The following KIAA1549 variants were observed in gnomAD, a reference collection of about 807,000 sequenced individuals.
The protein encoded by KIAA1549 is UPF0606 protein KIAA1549.
A neutral mutation model predicts 156.4 loss-of-function variants in KIAA1549; 70 were observed. That is an observed-to-expected ratio of 0.45 (90% CI 0.37 to 0.55). KIAA1549 has a LOEUF of 0.55. KIAA1549 is among the 20% of genes least tolerant of loss of function. KIAA1549 has a pLI of 0.00. For missense variants in KIAA1549, 2,428 were observed against 2,540.9 expected, an observed-to-expected ratio of 0.96 and a Z score of 0.96; for synonymous variants, 1,103 against 1,066.4, an observed-to-expected ratio of 1.03 and a Z score of -0.67.
At chr7:138,940,674 CTGT>C (rs1813157850) in intron 1 of KIAA1549, among the ~76,000 whole-genome samples, 2 of 152,134 alleles carry the variant, frequency 1.3e-5, no homozygotes, top group Admixed American at 1.3e-4. Context: ...TCTCCAGCAC[CTGT>C]TGTGTCCTGA....
At chr7:138,950,268 A>G (rs1260504188) in intron 1 of KIAA1549, among the ~76,000 whole-genome samples, 1 of 152,222 alleles carries the variant, frequency 6.6e-6, no homozygotes, top group Non-Finnish European at 1.5e-5. Context: ...AAAAAATTTC[A>G]GAATATATAT....
rs1001323694 is a variant in KIAA1549, at chr7:138,917,495, G to T, written c.2131C>A (p.Pro711Thr). ...CATGGTGACACCTCAGAACGGCTAG[G>T]TAGCAACATGATGGTGTTTAAAGGC... is the stretch of plus-strand genomic sequence containing the variant. ...ELPLNTIMLLPSRSEVSPWSS... is the reference protein window; with the variant it reads ...ELPLNTIMLLTSRSEVSPWSS... The change falls in exon 2 of 20, where the codon CCT (proline) becomes ACT (threonine). Residue 711 changes from proline (P) to threonine (T), a missense_variant. By Grantham distance (38) the Pro-to-Thr change is conservative (BLOSUM62 -1). Coordinates refer to ENST00000422774, the MANE Select transcript of KIAA1549 (RefSeq NM_001164665.2). The T allele has an allele frequency of 5.0e-6, 8 of 1,613,744 alleles. No individual in the cohort carries two copies. The highest frequency in any genetic ancestry group is 6.8e-6 in the Non-Finnish European group (8 of 1,179,870).
In KIAA1549 at chr7:138,871,219, G is replaced by C. The variant is rs758786076; in HGVS notation, c.4489C>G (p.Pro1497Ala). 1 of 1,613,194 alleles carries C rather than the reference G, an allele frequency of 6.2e-7. No individual in the cohort carries two copies. The highest frequency in any genetic ancestry group is 8.5e-7 in the Non-Finnish European group (1 of 1,179,846). ...QLIAMQPIPA[P>A]PVQRPSPADR... ...GCTGGGGAGGGGCGCTGGACGGGAG[G>C]TGCCGGGATCGGCTGCATGGCGATA... Residue 1497 changes from proline (P) to alanine (A), a missense_variant, in exon 13 of 20, where the codon CCT becomes GCT. Physicochemically the swap from Pro to Ala is conservative, Grantham distance 27. Around this residue, in one of 5 missense-constraint regions of KIAA1549, gnomAD observed 404 missense variants for 417.0 expected, o/e 0.97. Coordinates refer to ENST00000422774, the MANE Select transcript of KIAA1549 (RefSeq NM_001164665.2).
chr7:138,958,654 T>C (rs1813743549), intron 1 of KIAA1549, among the ~76,000 whole-genome samples: 1 of 152,130 alleles, frequency 6.6e-6, no homozygotes, highest in Admixed American at 6.5e-5. Flanking sequence ...GTTTAGCTTA[T>C]TACTATCCCA....
At chr7:138,848,335 T>C (rs576795076) in intron 17 of KIAA1549, among the ~76,000 whole-genome samples, 1 of 152,246 alleles carries the variant, frequency 6.6e-6, no homozygotes, top group Non-Finnish European at 1.5e-5. Context: ...TTTATCAGAA[T>C]TGAGAAGTTC....
intron 17 of KIAA1549, among the ~76,000 whole-genome samples, chr7:138,850,301 C>G (rs941313775): frequency 5.0e-4 from 76 of 152,256 alleles, no homozygotes; most frequent in African/African-American, 1.8e-3. Flanking sequence ...AACAGTTGAA[C>G]TAATTGACAC....
rs116474162 is a variant in KIAA1549, at chr7:138,864,084, G to A, written c.4930-2628C>T. Among the ~76,000 whole-genome samples, 895 of 152,312 alleles carry A rather than the reference G, an allele frequency of 5.9e-3. 8 individuals are homozygous for A. The highest frequency in any genetic ancestry group is 0.02 in the African/African-American group (844 of 41,556). The stretch of plus-strand genomic sequence containing the variant: ...AAGGGAGGGTGTGTCTGGAAGAACA[G>A]CCCACTGGTAAAAGGGTTTCTCCAG... On this transcript the variant is annotated intron_variant, in intron 15 of 19. Coordinates refer to ENST00000422774, the MANE Select transcript of KIAA1549 (RefSeq NM_001164665.2).
intron 1 of KIAA1549, among the ~76,000 whole-genome samples, chr7:138,937,280 T>A (rs1437688533): frequency 3.9e-5 from 6 of 152,160 alleles, no homozygotes; most frequent in Non-Finnish European, 7.3e-5. Flanking sequence ...TAGGTTGCAT[T>A]CTTGATTTAC....
At chr7:138,923,280 C>G (rs1584759694) in intron 1 of KIAA1549, among the ~76,000 whole-genome samples, 1 of 152,310 alleles carries the variant, frequency 6.6e-6, no homozygotes, top group South Asian at 2.1e-4. Flanking sequence ...ATTGCCTCAG[C>G]AGGAAGATCT....
rs765065343 is a variant in KIAA1549, at chr7:138,918,959, C to T, written c.667G>A (p.Ala223Thr). 1.2e-6 allele frequency: 2 copies of T among 1,613,916 alleles called. No individual in the cohort carries two copies. The highest frequency in any genetic ancestry group is 1.3e-5 in the African/African-American group (1 of 74,940). The change falls in exon 2 of 20, where the codon GCT becomes ACT. Residue 223 changes from alanine (A) to threonine (T), a missense_variant. Coordinates refer to ENST00000422774, the MANE Select transcript of KIAA1549 (RefSeq NM_001164665.2). The surrounding 1 kb of genome is among the most constrained non-coding windows in gnomAD (Gnocchi z 4.2). The stretch of plus-strand genomic sequence containing the variant: ...GTGTGGAAATGACTGGCGGACTCAG[C>T]ATATGCCGCTGGTTGTCGCGTTGTG... ...QNTTRQPAAYAESASHFHTFR... is the reference protein window; with the variant it reads ...QNTTRQPAAYTESASHFHTFR...
chr7:138,911,168 C>T lies in KIAA1549; in HGVS notation c.3123G>A (p.Glu1041=). Residue 1041 remains glutamate (E), a synonymous_variant, in exon 4 of 20, where the codon GAG becomes GAA. Coordinates refer to ENST00000422774, the MANE Select transcript of KIAA1549 (RefSeq NM_001164665.2). The part of the protein sequence containing the change: ...LSVKPSFLVP[E]SRFQVQTVLQ... ...CACCTGTTTGAACTTGGAACCTGGA[C>T]TCTGGCACAAGGAAAGAAGGTTTCA... The T allele has an allele frequency of 5.6e-6, 9 of 1,596,932 alleles. No individual in the cohort carries two copies. Among genetic ancestry groups the T allele is most frequent in the Non-Finnish European group, 7.7e-6 (9 of 1,171,890 alleles).
intron 10 of KIAA1549, among the ~76,000 whole-genome samples, chr7:138,884,678 C>T (rs1476119437): frequency 6.6e-6 from 1 of 152,204 alleles, no homozygotes; most frequent in Non-Finnish European, 1.5e-5. Flanking sequence ...TCTGGTATAG[C>T]ATCACATGGC....
rs917495314 is a variant in KIAA1549, at chr7:138,834,698, C to G, written c.*3208G>C. ...AGGAAACTGAGTCACACCGAGCTTT[C>G]GGTTTTGCTCATTACCCATGTGTGA... On this transcript the variant is annotated 3_prime_UTR_variant, in exon 20 of 20. Coordinates refer to ENST00000422774, the MANE Select transcript of KIAA1549 (RefSeq NM_001164665.2). 1 of 232,552 alleles carries G rather than the reference C, an allele frequency of 4.3e-6. No individual in the cohort carries two copies. The highest frequency in any genetic ancestry group is 8.5e-6 in the Non-Finnish European group (1 of 117,590). 14.4% of individuals were successfully genotyped at this position (232,552 alleles called of 1,614,324 possible).
chr7:138,920,634 AT>A (rs1051897801), intron 1 of KIAA1549, among the ~76,000 whole-genome samples: 2 of 152,228 alleles, frequency 1.3e-5, no homozygotes, highest in Admixed American at 1.3e-4. Flanking sequence ...CAGGTATGAC[AT>A]AGCCTAGAGA....
At chr7:138,845,276 G>A (rs943748011) in intron 17 of KIAA1549, among the ~76,000 whole-genome samples, 4 of 152,090 alleles carry the variant, frequency 2.6e-5, no homozygotes, top group African/African-American at 4.8e-5. Flanking sequence ...GAAGAGTAGT[G>A]CTATATTGTT....
intron 1 of KIAA1549, among the ~76,000 whole-genome samples, chr7:138,928,771 A>C (rs1304374572): frequency 2.0e-5 from 3 of 152,244 alleles, no homozygotes; most frequent in South Asian, 2.1e-4. Flanking sequence ...TTAAAAAAAC[A>C]ATGTACATCT....
intron 1 of KIAA1549, among the ~76,000 whole-genome samples, chr7:138,978,822 G>C (rs970744855): frequency 1.3e-5 from 2 of 152,102 alleles, no homozygotes; most frequent in African/African-American, 4.8e-5. Context: ...CCACACTCAG[G>C]ACTGGGAGGG....
intron 10 of KIAA1549, among the ~76,000 whole-genome samples, chr7:138,890,555 T>C (rs1052431585): frequency 6.6e-6 from 1 of 152,212 alleles, no homozygotes; most frequent in African/African-American, 2.4e-5. Context: ...TCCCGGAGTT[T>C]GGGAGAGCAG....
chr7:138,926,712 T>G (rs559983716), intron 1 of KIAA1549, among the ~76,000 whole-genome samples: 2 of 152,192 alleles, frequency 1.3e-5, no homozygotes, highest in African/African-American at 4.8e-5. Context: ...GTCTTCCCCT[T>G]GTTTCTCCAC....
Sources: allele counts gnomAD v4.1 joint callset (sites outside exome capture counted in the v4.1 genomes callset), GRCh38; gene constraint gnomAD v4.1.1; regional missense constraint gnomAD v4.1.1; non-coding constraint Gnocchi (gnomAD v3.1); transcripts MANE v1.5; gene names NCBI Gene and HGNC (gene_info 2026-07-23, HGNC 2026-07-21).